The following MYPOP variants were observed in gnomAD, a reference collection of about 807,000 sequenced individuals.
MYPOP encodes myb-related transcription factor, partner of profilin.
A neutral mutation model predicts 25.7 loss-of-function variants in MYPOP; 21 were observed. That is an observed-to-expected ratio of 0.82 (90% confidence interval 0.58 to 1.18). MYPOP has a LOEUF of 1.18. MYPOP is among the 50% of genes most tolerant of loss of function. The probability of loss-of-function intolerance (pLI) is 0.00; values close to 1 mark genes in which losing one functional copy is unlikely to be tolerated. For missense variants in MYPOP, 566 were observed against 588.3 expected, an observed-to-expected ratio of 0.96 and a Z score of 0.39; for synonymous variants, 280 against 247.9, an observed-to-expected ratio of 1.13 and a Z score of -1.22.
intron 2 of MYPOP, among the ~76,000 whole-genome samples, chr19:45,893,564 G>T (rs561446549): frequency 1.1e-5 from 1 of 88,828 alleles, no homozygotes; most frequent in African/African-American, 5.3e-5. Flanking sequence ...GCGAAACTCC[G>T]TCTCAAAAAA....
chr19:45,892,918 G>C (rs899668671), intron 2 of MYPOP, among the ~76,000 whole-genome samples: 7 of 152,142 alleles, frequency 4.6e-5, no homozygotes, highest in African/African-American at 1.4e-4. Flanking sequence ...GTTAGGCTAC[G>C]GGAAACAAGC....
Position 45,891,199 on chromosome 19 carries a change from C to T in MYPOP, c.624G>A (p.Leu208=), listed in dbSNP as rs1967118865. The T allele has an allele frequency of 1.3e-6, 2 of 1,530,338 alleles. No individual in the cohort carries two copies. Among genetic ancestry groups the T allele is most frequent in the Admixed American group, 2.0e-5 (1 of 50,456 alleles). The allele number at this position is 1,530,338 out of a possible 1,614,324, so 94.8% of individuals were successfully genotyped here. ...KERESPPPSA[L]QPVQLPRLAL... ...CCAGGCGAGGCAGCTGGACCGGCTG[C>T]AGGGCCGAAGGGGGTGGTGACTCAC... is the stretch of plus-strand genomic sequence containing the variant. The change falls in exon 3 of 3, where the codon CTG becomes CTA. Residue 208 remains leucine, a synonymous_variant. Coordinates refer to ENST00000322217, the MANE Select transcript of MYPOP (RefSeq NM_001012643.4).
chr19:45,901,374 C>G lies in MYPOP; in HGVS notation c.400G>C (p.Glu134Gln). Residue 134 changes from glutamate to glutamine, a missense_variant, in exon 2 of 3, where the codon GAG becomes CAG. Transcript: ENST00000322217. This position sits in a 1 kb window ranked among gnomAD's most constrained non-coding sequence, Gnocchi z 5.7. The part of the protein sequence containing the change: ...VAAPGAGAGA[E>Q]EPPAAPSSQP... Reference sequence around the variant, plus strand: ...GAAGAGGGGGCCGCAGGGGGCTCCTCCGCCCCAGCACCTGCCCCCGGCGCC... The same window carrying G: ...GAAGAGGGGGCCGCAGGGGGCTCCTGCGCCCCAGCACCTGCCCCCGGCGCC... The G allele has an allele frequency of 6.7e-7, 1 of 1,488,722 alleles. No homozygotes were observed. The highest frequency in any genetic ancestry group is 8.9e-7 in the Non-Finnish European group (1 of 1,118,792). 92.2% of individuals were successfully genotyped at this position (1,488,722 alleles called of 1,614,324 possible). A position where few individuals can be genotyped will look rare whatever the true frequency, so the allele number is the denominator to read the frequency against.
intron 2 of MYPOP, among the ~76,000 whole-genome samples, chr19:45,900,809 T>A (rs553228221): frequency 6.6e-6 from 1 of 152,218 alleles, no homozygotes; most frequent in South Asian, 2.1e-4. Context: ...ACAATGAGAG[T>A]TGAGGAGGTG....
chr19:45,891,983 G>A lies in MYPOP; in HGVS notation c.500-660C>T, dbSNP rs1003475260. Among the ~76,000 whole-genome samples, 10 of 151,630 alleles carry A rather than the reference G, an allele frequency of 6.6e-5. No homozygotes were observed. The South Asian group carries it at 1.0e-3, about 16-fold the overall frequency. ...AGCCTAGGCTGGAGTGCAGTGGCGT[G>A]ATCTCGGCTCACTGCAACCTCTGTC... is the stretch of plus-strand genomic sequence containing the variant. On this transcript the variant is annotated intron_variant, in intron 2 of 2. Coordinates refer to ENST00000322217, the MANE Select transcript of MYPOP (RefSeq NM_001012643.4).
Position 45,901,590 on chromosome 19 carries a change from T to C in MYPOP, c.184A>G (p.Lys62Glu), listed in dbSNP as rs1194727517. Residue 62 changes from lysine to glutamate, a missense_variant, in exon 2 of 3, where the codon AAG (lysine) becomes GAG (glutamate). By Grantham distance (56) the Lys-to-Glu change is moderately conservative. Coordinates refer to ENST00000322217, the MANE Select transcript of MYPOP (RefSeq NM_001012643.4). The surrounding 1 kb of genome is among the most constrained non-coding windows in gnomAD (Gnocchi z 5.7). ...RRRVWDGIAA[K>E]INGITSWKRT... ...TTCCAGCTGGTGATACCGTTGATCT[T>C]GGCGGCGATGCCGTCCCACACGCGC... 6 of 1,611,418 alleles carry C rather than the reference T, an allele frequency of 3.7e-6. No individual in the cohort carries two copies. The highest frequency in any genetic ancestry group is 2.2e-5 in the East Asian group (1 of 44,852).
chr19:45,892,507 G>A (rs1378021768), intron 2 of MYPOP, among the ~76,000 whole-genome samples: 1 of 152,024 alleles, frequency 6.6e-6, no homozygotes, highest in Non-Finnish European at 1.5e-5. Flanking sequence ...CCTCTCGCCT[G>A]GGCTCCAGAC....
intron 2 of MYPOP, among the ~76,000 whole-genome samples, chr19:45,900,311 C>T (rs1354625021): frequency 6.6e-6 from 1 of 152,142 alleles, no homozygotes; most frequent in Non-Finnish European, 1.5e-5. Context: ...CTTTTAGTTT[C>T]CCAAACTGGC....
intron 2 of MYPOP, among the ~76,000 whole-genome samples, chr19:45,895,999 C>A (rs998792141): frequency 2.0e-5 from 3 of 151,988 alleles, no homozygotes; most frequent in Non-Finnish European, 4.4e-5. Context: ...AAACAAAAAA[C>A]CAACCATCCA....
In MYPOP at chr19:45,901,558, C is replaced by G. The variant is rs1196253637; in HGVS notation, c.216G>C (p.Thr72=). Residue 72 remains threonine (T), a synonymous_variant, in exon 2 of 3, where the codon ACG becomes ACC. Transcript: ENST00000322217. The surrounding 1 kb of genome is among the most constrained non-coding windows in gnomAD (Gnocchi z 5.7). ...KINGITSWKR[T]GQEVQKRWND... is the part of the protein sequence containing the mutation. ...TCCAGCGCTTCTGCACCTCCTGGCC[C>G]GTGCGCTTCCAGCTGGTGATACCGT... The G allele has an allele frequency of 6.2e-7, 1 of 1,612,242 alleles. No individual in the cohort carries two copies. Among genetic ancestry groups the G allele is most frequent in the South Asian group, 1.1e-5 (1 of 91,008 alleles).
chr19:45,897,738 T>C (rs1268215326), intron 2 of MYPOP, among the ~76,000 whole-genome samples: 5 of 151,876 alleles, frequency 3.3e-5, no homozygotes, highest in African/African-American at 9.7e-5. Context: ...GATTATTTTG[T>C]AGAGATGGGG....
Position 45,892,839 on chromosome 19 carries a change from T to G in MYPOP, c.500-1516A>C, listed in dbSNP as rs192935550. Among the ~76,000 whole-genome samples, 492 of 152,262 alleles carry G rather than the reference T, an allele frequency of 3.2e-3. 2 individuals carry two copies. The highest frequency in any genetic ancestry group is 3.8e-3 in the Non-Finnish European group (261 of 68,034). The stretch of plus-strand genomic sequence containing the variant: ...CATCGCCTCCCTGAGGGCTCTCTGC[T>G]TCCACCCCTGTCCCTGACAGTATCT... On this transcript the variant is annotated intron_variant, in intron 2 of 2. Coordinates refer to ENST00000322217, the MANE Select transcript of MYPOP (RefSeq NM_001012643.4).
intron 2 of MYPOP, 40 bp from the exon 3 acceptor site, chr19:45,891,363 C>G: frequency 7.0e-7 from 1 of 1,425,942 alleles, no homozygotes. Context: ...GAGCGACCCT[C>G]GATGCTGCCT....
intron 2 of MYPOP, among the ~76,000 whole-genome samples, chr19:45,900,121 C>A (rs2146382021): frequency 6.6e-6 from 1 of 152,268 alleles, no homozygotes; most frequent in Admixed American, 6.5e-5. Context: ...TGATCATGCC[C>A]ATGTTCCTCC....
chr19:45,891,252 C>A lies in MYPOP; in HGVS notation c.571G>T (p.Glu191Ter). Residue 191 changes from glutamate to a stop codon, truncating the protein, a stop_gained, in exon 3 of 3, where the codon GAA becomes TAA. Transcript: ENST00000322217. LOFTEE classifies it high-confidence loss of function. The part of the protein sequence containing the change: ...PWARPSCTPQ[E>*]GGCPRPKERE... The stretch of plus-strand genomic sequence containing the variant: ...TCCTTGGGCCGTGGGCAGCCCCCTT[C>A]CTGGGGAGTGCAGGAGGGCCGGGCC... The A allele has an allele frequency of 6.4e-7, 1 of 1,551,498 alleles. No homozygotes were observed.
At chr19:45,892,860 T>C (rs1471587604) in intron 2 of MYPOP, among the ~76,000 whole-genome samples, 1 of 152,132 alleles carries the variant, frequency 6.6e-6, no homozygotes, top group Non-Finnish European at 1.5e-5. Flanking sequence ...TCCCTGACAG[T>C]ATCTTTTTCC....
chr19:45,894,741 T>A (rs2146377613), intron 2 of MYPOP, among the ~76,000 whole-genome samples: 1 of 147,498 alleles, frequency 6.8e-6, no homozygotes, highest in African/African-American at 2.5e-5. Context: ...TTTTTTGAGA[T>A]GGAGTCTCAT....
At chr19:45,900,293 C>A (rs116069837) in intron 2 of MYPOP, among the ~76,000 whole-genome samples, 1 of 152,182 alleles carries the variant, frequency 6.6e-6, no homozygotes, top group Non-Finnish European at 1.5e-5. Context: ...CTCTTTTCCC[C>A]GCAACTTCTT....
At chr19:45,897,598 C>G (rs1967224500) in intron 2 of MYPOP, among the ~76,000 whole-genome samples, 1 of 152,184 alleles carries the variant, frequency 6.6e-6, no homozygotes, top group South Asian at 2.1e-4. Flanking sequence ...CTGTGTTGCC[C>G]AGGTTGGAGT....
Sources: allele counts gnomAD v4.1 joint callset (sites outside exome capture counted in the v4.1 genomes callset), GRCh38; gene constraint gnomAD v4.1.1; non-coding constraint Gnocchi (gnomAD v3.1); transcripts MANE v1.5; gene names NCBI Gene and HGNC (gene_info 2026-07-23, HGNC 2026-07-21).